The following PCDHA8 variants were observed in gnomAD, a reference collection of about 807,000 sequenced individuals.
PCDHA8 encodes the protein protocadherin alpha 8, also known as protocadherin alpha-8.
Under a neutral mutation model 61.8 loss-of-function variants are expected in PCDHA8, and 53 were observed. The ratio of observed to expected loss-of-function variants is 0.86; its 90% CI spans 0.69 to 1.08. PCDHA8 has a LOEUF of 1.08. Ranked by LOEUF, PCDHA8 falls within the 50% of genes least tolerant of loss-of-function variation. The pLI is 0.00. For synonymous variants in PCDHA8, 618 were observed against 556.6 expected (o/e 1.11, Z -1.55); for missense variants, 1,293 against 1,245.0 (o/e 1.04, Z -0.58).
chr5:140,967,204 G>C, intron 1 of PCDHA8: 10 of 1,613,634 alleles, frequency 6.2e-6, no homozygotes, highest in Non-Finnish European at 8.5e-6. Context: ...ACAACTCACC[G>C]CGTTTCCCGC....
At chr5:140,878,855 T>C (rs905851216) in intron 1 of PCDHA8, among the ~76,000 whole-genome samples, 3 of 152,250 alleles carry the variant, frequency 2.0e-5, no homozygotes, top group Admixed American at 6.5e-5. Context: ...TGGGTTCAAC[T>C]GATCCTCCAT....
At chr5:140,866,236 C>T (rs1554160132) in intron 1 of PCDHA8, 1 of 152,026 alleles carries the variant, frequency 6.6e-6, no homozygotes, top group East Asian at 1.9e-4. Context: ...ATACTATATA[C>T]CAAAAATGAC....
intron 1 of PCDHA8, chr5:140,871,710 C>A: frequency 3.6e-6 from 3 of 826,484 alleles, no homozygotes; most frequent in South Asian, 4.5e-5. Flanking sequence ...AATAAATGTC[C>A]TATTTCTCTT....
chr5:140,967,636 T>G, intron 1 of PCDHA8: 2 of 1,614,138 alleles, frequency 1.2e-6, no homozygotes, highest in Non-Finnish European at 1.7e-6. Context: ...GCTCCAATGG[T>G]GAGCTCAGGT....
chr5:140,978,717 T>C (rs545119234), intron 1 of PCDHA8, among the ~76,000 whole-genome samples: 1 of 152,390 alleles, frequency 6.6e-6, no homozygotes, highest in East Asian at 1.9e-4. Context: ...TTTACAAGAT[T>C]ATTAAATCTG....
At chr5:140,983,997 G>A (rs1191316440) in intron 3 of PCDHA8, among the ~76,000 whole-genome samples, 1 of 152,194 alleles carries the variant, frequency 6.6e-6, no homozygotes, top group Non-Finnish European at 1.5e-5. Context: ...CAATTCATTA[G>A]AGAGCTAATA....
chr5:140,928,552 G>A lies in PCDHA8; in HGVS notation c.2395-50397G>A, dbSNP rs145928329. On this transcript the variant is annotated intron_variant, in intron 1 of 3. Coordinates refer to ENST00000531613, the MANE Select transcript of PCDHA8 (RefSeq NM_018911.3). ...GGTAGATAGGAATGACAATTATCCGGTTATCTTGTTTCCCTTGCCCAGAAA... is the reference window on the plus strand; with the variant it reads ...GGTAGATAGGAATGACAATTATCCGATTATCTTGTTTCCCTTGCCCAGAAA... The A allele has an allele frequency of 6.7e-4, 1,075 of 1,614,218 alleles. 1 individual carries two copies. Among genetic ancestry groups the A allele is most frequent in the Non-Finnish European group, 8.6e-4 (1,013 of 1,180,042 alleles).
At chr5:140,850,349 G>C (rs1554144220) in intron 1 of PCDHA8, 1 of 1,597,844 alleles carries the variant, frequency 6.3e-7, no homozygotes, top group South Asian at 1.1e-5. Flanking sequence ...CGGCCAGCGC[G>C]AGCATCCCGT....
intron 1 of PCDHA8, chr5:140,851,883 G>A (rs2042187282): frequency 3.1e-6 from 3 of 976,924 alleles, no homozygotes; most frequent in African/African-American, 1.8e-5. Flanking sequence ...CAGAAATCTG[G>A]ATATGAGATT....
intron 1 of PCDHA8, chr5:140,850,767 G>A: frequency 1.3e-6 from 2 of 1,598,126 alleles, no homozygotes; most frequent in Admixed American, 1.7e-5. Flanking sequence ...GAGGCAGAGG[G>A]TGTGCTCTGG....
At chr5:140,878,389 T>A (rs528504145) in intron 1 of PCDHA8, among the ~76,000 whole-genome samples, 1 of 152,360 alleles carries the variant, frequency 6.6e-6, no homozygotes, top group East Asian at 1.9e-4. Flanking sequence ...ATTTTCTTCA[T>A]TGCTCACAAA....
intron 1 of PCDHA8, among the ~76,000 whole-genome samples, chr5:140,943,121 G>A (rs1225385839): frequency 3.3e-5 from 5 of 151,916 alleles, no homozygotes; most frequent in African/African-American, 4.8e-5. Flanking sequence ...AGCCAGGTGT[G>A]GTAGTGGGTG....
chr5:140,855,986 G>C (rs191873949), intron 1 of PCDHA8: 4 of 1,477,690 alleles, frequency 2.7e-6, no homozygotes, highest in Middle Eastern at 1.8e-4. Context: ...GACAGAAAAT[G>C]TCAGATCGTA....
intron 1 of PCDHA8, among the ~76,000 whole-genome samples, chr5:140,923,822 T>C (rs1377526546): frequency 6.6e-6 from 1 of 152,156 alleles, no homozygotes; most frequent in Non-Finnish European, 1.5e-5. Flanking sequence ...AAAATAGACG[T>C]CAGTGGCAGT....
intron 1 of PCDHA8, among the ~76,000 whole-genome samples, chr5:140,950,403 A>C (rs2094477208): frequency 6.6e-6 from 1 of 151,818 alleles, no homozygotes; most frequent in Admixed American, 6.6e-5. Flanking sequence ...ATTCTGGGGG[A>C]TTGACAGATT....
chr5:140,900,734 G>C (rs2068260899), intron 1 of PCDHA8, among the ~76,000 whole-genome samples: 1 of 152,200 alleles, frequency 6.6e-6, no homozygotes, highest in African/African-American at 2.4e-5. Flanking sequence ...CTAGCAGTGG[G>C]ATTTCTGGAT....
chr5:140,999,885 G>A (rs1250861955), intron 3 of PCDHA8, among the ~76,000 whole-genome samples: 1 of 152,200 alleles, frequency 6.6e-6, no homozygotes, highest in Non-Finnish European at 1.5e-5. Context: ...TAGCCCAGCT[G>A]TAGCTTGGGA....
chr5:140,947,569 A>G (rs2094145868), intron 1 of PCDHA8, among the ~76,000 whole-genome samples: 1 of 151,666 alleles, frequency 6.6e-6, no homozygotes. Flanking sequence ...TATATTGGGA[A>G]TGTTTTTAAC....
At chr5:140,883,416 G>T in intron 1 of PCDHA8, 1 of 1,614,158 alleles carries the variant, frequency 6.2e-7, no homozygotes, top group Non-Finnish European at 8.5e-7. Context: ...GGCTCAAATG[G>T]ACAGGTCACC....
Sources: gnomAD v4.1 joint callset for allele counts (sites outside exome capture counted in the v4.1 genomes callset) on GRCh38, gnomAD v4.1.1 for gene constraint, MANE v1.5 for transcripts, NCBI Gene and HGNC (gene_info 2026-07-23, HGNC 2026-07-21) for gene names.